Variants in CPNE4 observed in about 807,000 individuals in gnomAD.
The protein encoded by CPNE4 is copine 4, also known as copine-4.
Under a neutral mutation model 67.9 loss-of-function variants are expected in CPNE4, and 25 were observed. That is an observed-to-expected ratio of 0.37 (90% CI 0.27 to 0.51). The LOEUF (loss-of-function observed/expected upper bound fraction) is 0.51. CPNE4 is among the 20% of genes least tolerant of loss of function. CPNE4 has a pLI of 0.93. For missense variants in CPNE4, 464 were observed against 690.8 expected (o/e 0.67, Z 3.68); for synonymous variants, 242 against 244.9 (o/e 0.99, Z 0.11).
intron 1 of CPNE4, among the ~76,000 whole-genome samples, chr3:131,996,049 C>T (rs2073284181): frequency 6.6e-6 from 1 of 152,152 alleles, no homozygotes; most frequent in African/African-American, 2.4e-5. Flanking sequence ...CTAGCACAAT[C>T]CATTTAAAAA....
At chr3:131,963,005 G>A (rs1479395822) in intron 1 of CPNE4, among the ~76,000 whole-genome samples, 3 of 152,148 alleles carry the variant, frequency 2.0e-5, no homozygotes, top group African/African-American at 4.8e-5. Flanking sequence ...CTCCCAGTGA[G>A]ACCAATGCAG....
intron 2 of CPNE4, among the ~76,000 whole-genome samples, chr3:131,865,863 G>C (rs562469365): frequency 4.5e-4 from 68 of 152,360 alleles, no homozygotes; most frequent in Non-Finnish European, 8.7e-4. Flanking sequence ...AGTGGGCAGA[G>C]GGAAAAGTTA....
chr3:131,884,014 C>T (rs1228484380), intron 2 of CPNE4, among the ~76,000 whole-genome samples: 1 of 152,174 alleles, frequency 6.6e-6, no homozygotes, highest in Admixed American at 6.5e-5. Context: ...AACAAGCCCC[C>T]CTATCATTCA....
chr3:131,629,325 C>T (rs2079161762), intron 7 of CPNE4, among the ~76,000 whole-genome samples: 1 of 152,102 alleles, frequency 6.6e-6, no homozygotes, highest in African/African-American at 2.4e-5. Flanking sequence ...GATTATGACT[C>T]ACTGAAGGCT....
At chr3:132,015,544 C>CG (rs1267131794) in intron 1 of CPNE4, among the ~76,000 whole-genome samples, 1 of 151,990 alleles carries the variant, frequency 6.6e-6, no homozygotes, top group Non-Finnish European at 1.5e-5. Context: ...ACACATATAT[C>CG]ATATACGATA....
intron 2 of CPNE4, among the ~76,000 whole-genome samples, chr3:131,824,685 A>C (rs142992401): frequency 8.1e-4 from 123 of 152,338 alleles, no homozygotes; most frequent in African/African-American, 2.9e-3. Flanking sequence ...GAATCCTTTC[A>C]GGAGAAAAGT....
intron 5 of CPNE4, among the ~76,000 whole-genome samples, chr3:131,692,089 T>A (rs1175726033): frequency 6.6e-6 from 1 of 152,156 alleles, no homozygotes; most frequent in Non-Finnish European, 1.5e-5. Flanking sequence ...GCTTTTTTAG[T>A]TCAATATAAA....
chr3:131,886,679 C>T (rs898988645), intron 2 of CPNE4, among the ~76,000 whole-genome samples: 1 of 151,350 alleles, frequency 6.6e-6, no homozygotes, highest in African/African-American at 2.4e-5. Context: ...ACCATGGGAA[C>T]CCACCTCTTC....
At chr3:131,944,905 C>T (rs1310204216) in intron 1 of CPNE4, among the ~76,000 whole-genome samples, 1 of 152,128 alleles carries the variant, frequency 6.6e-6, no homozygotes, top group Non-Finnish European at 1.5e-5. Flanking sequence ...CACATGTGCA[C>T]ACCCCAGGGC....
At chr3:131,740,768 A>G (rs1039827797) in intron 2 of CPNE4, among the ~76,000 whole-genome samples, 1 of 151,812 alleles carries the variant, frequency 6.6e-6, no homozygotes, top group African/African-American at 2.4e-5. Flanking sequence ...CCTTCCGACA[A>G]CTCCCCATTT....
At chr3:131,779,834 AAG>A (rs1415265544) in intron 2 of CPNE4, among the ~76,000 whole-genome samples, 11 of 152,172 alleles carry the variant, frequency 7.2e-5, no homozygotes, top group Non-Finnish European at 1.5e-4. Context: ...AACAATTGAT[AAG>A]TGGGACATAA....
intron 1 of CPNE4, among the ~76,000 whole-genome samples, chr3:131,981,725 C>A (rs2072914089): frequency 6.6e-6 from 1 of 152,224 alleles, no homozygotes. Context: ...GCAGGAGTGG[C>A]CTGCTAGGAG....
At chr3:131,938,984 C>T (rs931636614) in intron 1 of CPNE4, among the ~76,000 whole-genome samples, 2 of 152,110 alleles carry the variant, frequency 1.3e-5, no homozygotes, top group Non-Finnish European at 2.9e-5. Context: ...GTCAATATAG[C>T]TTGCTGTTGA....
At chr3:132,031,263 T>C (rs1337461058) in intron 1 of CPNE4, among the ~76,000 whole-genome samples, 2 of 152,252 alleles carry the variant, frequency 1.3e-5, no homozygotes, top group Admixed American at 6.5e-5. Context: ...GTAAATCTAG[T>C]GTACTGGCTA....
At chr3:131,801,336 C>T (rs1177757682) in intron 2 of CPNE4, among the ~76,000 whole-genome samples, 2 of 122,858 alleles carry the variant, frequency 1.6e-5, no homozygotes, top group Non-Finnish European at 3.2e-5. Flanking sequence ...GGAAACCATA[C>T]ATATATATAT....
intron 2 of CPNE4, among the ~76,000 whole-genome samples, chr3:131,799,926 TGTGTG>T (rs1294403392): frequency 0.016 from 570 of 35,614 alleles, 6 homozygotes; most frequent in African/African-American, 0.046. Context: ...GTGTTGTGTG[TGTGTG>T]TGTGTGTGTG....
intron 2 of CPNE4, among the ~76,000 whole-genome samples, chr3:131,728,920 A>C (rs918130424): frequency 6.6e-6 from 1 of 151,494 alleles, no homozygotes; most frequent in Non-Finnish European, 1.5e-5. Flanking sequence ...AAAAAAAAAA[A>C]AAAATTGGCT....
At position 131,800,078 on chromosome 3, in the gene CPNE4, T is replaced by C. The variant is rs1342053574; in HGVS notation, c.181-76453A>G. Reference sequence around the variant, plus strand: ...GTGATGCTGAGGTTTGGGCTTCTAATGATCCTGTCACCCAAGTAATGAACA... The same window carrying C: ...GTGATGCTGAGGTTTGGGCTTCTAACGATCCTGTCACCCAAGTAATGAACA... On this transcript the variant is annotated intron_variant, in intron 2 of 15. Transcript: ENST00000429747. 5.9e-5 allele frequency among the ~76,000 whole-genome samples: 9 copies of C among 152,084 alleles called. No individual in the cohort carries two copies. In the East Asian group the frequency reaches 1.7e-3, roughly 29 times the overall value.
chr3:131,761,207 G>A (rs1027079717), intron 2 of CPNE4, among the ~76,000 whole-genome samples: 5 of 115,638 alleles, frequency 4.3e-5, no homozygotes, highest in Admixed American at 1.2e-4. Flanking sequence ...ACCTCACTTC[G>A]TACTTTTTTT....
Sources: allele counts gnomAD v4.1 joint callset (sites outside exome capture counted in the v4.1 genomes callset), GRCh38; gene constraint gnomAD v4.1.1; transcripts MANE v1.5; gene names NCBI Gene and HGNC (gene_info 2026-07-23, HGNC 2026-07-21).